Variants in SLC10A7 observed in about 807,000 individuals in gnomAD.
SLC10A7 encodes sodium/bile acid cotransporter 7.
In SLC10A7, 29 loss-of-function variants were observed where a neutral mutation model predicts 43.2. That is an observed-to-expected ratio of 0.67 (90% CI 0.50 to 0.92). SLC10A7 has a LOEUF of 0.92. Among genes scored for constraint, SLC10A7 ranks in the 40% least tolerant of loss-of-function variants. The probability of loss-of-function intolerance (pLI) is 0.00; values close to 1 mark genes in which losing one functional copy is unlikely to be tolerated. For missense variants in SLC10A7, 295 were observed against 403.2 expected, an observed-to-expected ratio of 0.73 and a Z score of 2.30; for synonymous variants, 152 against 144.8, an observed-to-expected ratio of 1.05 and a Z score of -0.35.
chr4:146,497,337 A>C (rs1227248069), intron 4 of SLC10A7, among the ~76,000 whole-genome samples: 2 of 152,196 alleles, frequency 1.3e-5, no homozygotes, highest in Non-Finnish European at 2.9e-5. Context: ...GATAACCTAG[A>C]GTTTAAATAT....
At chr4:146,517,691 T>C (rs971470463) in intron 1 of SLC10A7, among the ~76,000 whole-genome samples, 1 of 152,272 alleles carries the variant, frequency 6.6e-6, no homozygotes, top group East Asian at 1.9e-4. Context: ...CAGGACAGCA[T>C]GTAAGCAACA....
chr4:146,489,405 T>C (rs1250689485), intron 4 of SLC10A7, among the ~76,000 whole-genome samples: 3 of 152,226 alleles, frequency 2.0e-5, no homozygotes, highest in Non-Finnish European at 4.4e-5. Context: ...TTAGTCTCTT[T>C]TTGTGTCAGT....
chr4:146,285,974 T>A (rs2111134933), intron 9 of SLC10A7, among the ~76,000 whole-genome samples: 1 of 146,788 alleles, frequency 6.8e-6, no homozygotes, highest in Admixed American at 6.7e-5. Context: ...GAGTTTGGAG[T>A]GGTGAGAAGG....
At position 146,255,199 on chromosome 4, in the gene SLC10A7, C is replaced by T. The variant is rs967885501; in HGVS notation, c.*1292G>A. ...TGGGGGAAACACAGAAAAGTGTTCTCGTAGTTCTATACGTGGCTTCATTCT... is the reference window on the plus strand; with the variant it reads ...TGGGGGAAACACAGAAAAGTGTTCTTGTAGTTCTATACGTGGCTTCATTCT... On this transcript the variant is annotated 3_prime_UTR_variant, in exon 12 of 12. Coordinates refer to ENST00000335472, the MANE Select transcript of SLC10A7 (RefSeq NM_001029998.6). 4.6e-5 allele frequency: 7 copies of T among 152,524 alleles called. No homozygotes were observed. The South Asian group carries it at 6.2e-4, about 14-fold the overall frequency. The allele number at this position is 152,524 out of a possible 1,614,324, so 9.4% of individuals were successfully genotyped here. A position where few individuals can be genotyped will look rare whatever the true frequency, so the allele number is the denominator to read the frequency against.
intron 3 of SLC10A7, among the ~76,000 whole-genome samples, chr4:146,504,677 A>G (rs1736738311): frequency 6.6e-6 from 1 of 152,220 alleles, no homozygotes; most frequent in East Asian, 1.9e-4. Flanking sequence ...AAGTTCAAAA[A>G]TACTTGACAA....
At chr4:146,476,484 T>C (rs1734041351) in intron 4 of SLC10A7, among the ~76,000 whole-genome samples, 1 of 152,042 alleles carries the variant, frequency 6.6e-6, no homozygotes, top group Non-Finnish European at 1.5e-5. Flanking sequence ...TTAAATTGTG[T>C]GTGTGTTGGT....
At chr4:146,366,269 A>G (rs976908312) in intron 5 of SLC10A7, among the ~76,000 whole-genome samples, 3 of 152,198 alleles carry the variant, frequency 2.0e-5, no homozygotes, top group Admixed American at 6.5e-5. Context: ...TAAAAGGTAT[A>G]TGTATTATGT....
chr4:146,350,999 T>C (rs993325027), intron 5 of SLC10A7, among the ~76,000 whole-genome samples: 1 of 150,490 alleles, frequency 6.6e-6, no homozygotes, highest in Non-Finnish European at 1.5e-5. Flanking sequence ...AGGAACGCAG[T>C]TCCTCACCAG....
chr4:146,461,647 A>G (rs1732539390), intron 4 of SLC10A7, among the ~76,000 whole-genome samples: 1 of 152,008 alleles, frequency 6.6e-6, no homozygotes, highest in Non-Finnish European at 1.5e-5. Context: ...ACTCTCACTA[A>G]TTGTACAGTA....
intron 5 of SLC10A7, among the ~76,000 whole-genome samples, chr4:146,370,224 A>G (rs1238687854): frequency 6.6e-6 from 1 of 152,198 alleles, no homozygotes; most frequent in Non-Finnish European, 1.5e-5. Context: ...CAAGAATCAG[A>G]GTAACAAATT....
intron 4 of SLC10A7, among the ~76,000 whole-genome samples, chr4:146,459,357 AC>A (rs1260231083): frequency 1.3e-5 from 2 of 151,680 alleles, no homozygotes; most frequent in African/African-American, 4.8e-5. Context: ...TTAAAAATAA[AC>A]TTTATTTATT....
At chr4:146,336,228 GC>G (rs1181175030) in intron 5 of SLC10A7, among the ~76,000 whole-genome samples, 1 of 152,088 alleles carries the variant, frequency 6.6e-6, no homozygotes, top group African/African-American at 2.4e-5. Context: ...GGTAAGATTT[GC>G]CCAAGGGCCA....
intron 4 of SLC10A7, among the ~76,000 whole-genome samples, chr4:146,456,043 A>G (rs948260155): frequency 6.6e-6 from 1 of 151,842 alleles, no homozygotes; most frequent in Non-Finnish European, 1.5e-5. Context: ...ACCACGGCCA[A>G]TTTCAAAGTG....
At chr4:146,407,121 C>T (rs1727771191) in intron 5 of SLC10A7, among the ~76,000 whole-genome samples, 1 of 152,176 alleles carries the variant, frequency 6.6e-6, no homozygotes, top group Non-Finnish European at 1.5e-5. Context: ...CAGGATATCT[C>T]ATTGTACATA....
intron 5 of SLC10A7, among the ~76,000 whole-genome samples, chr4:146,421,489 G>T (rs1417198589): frequency 1.3e-5 from 2 of 151,906 alleles, no homozygotes; most frequent in African/African-American, 4.8e-5. Flanking sequence ...CTTTGTCCAT[G>T]ATATACTCCT....
intron 5 of SLC10A7, among the ~76,000 whole-genome samples, chr4:146,429,833 G>A (rs1200647389): frequency 6.6e-6 from 1 of 151,856 alleles, no homozygotes; most frequent in East Asian, 1.9e-4. Context: ...AGCAGAAAAA[G>A]GTCCAAGTGT....
intron 3 of SLC10A7, 137 bp downstream of exon 3, chr4:146,509,776 A>G: frequency 2.9e-6 from 2 of 691,804 alleles, no homozygotes; most frequent in Non-Finnish European, 4.4e-6. Flanking sequence ...ATTGTTTTAA[A>G]GGAAAACAAA....
At chr4:146,256,716 T>TC (rs34063596) in intron 11 of SLC10A7, 196 bp from the exon 12 acceptor site, 560,789 of 997,468 alleles carry the variant, frequency 0.56, 160,969 homozygotes, top group African/African-American at 0.7. Context: ...CTTTGTCATT[T>TC]CCCCTCCCAC....
chr4:146,366,325 T>G (rs1252596308), intron 5 of SLC10A7, among the ~76,000 whole-genome samples: 3 of 152,168 alleles, frequency 2.0e-5, no homozygotes, highest in African/African-American at 7.2e-5. Context: ...ATCAAACACC[T>G]TACATTCTGT....
Sources: gnomAD v4.1 joint callset for allele counts (sites outside exome capture counted in the v4.1 genomes callset) on GRCh38, gnomAD v4.1.1 for gene constraint, MANE v1.5 for transcripts, NCBI Gene and HGNC (gene_info 2026-07-23, HGNC 2026-07-21) for gene names.